Variants in KCNN2 observed in about 807,000 individuals in gnomAD.
The protein encoded by KCNN2 is small conductance calcium-activated potassium channel protein 2.
Under a neutral mutation model 55.5 loss-of-function variants are expected in KCNN2, and 24 were observed. That is an observed-to-expected ratio of 0.43 (90% CI 0.31 to 0.61). The LOEUF is 0.61. KCNN2 is among the 20% of genes least tolerant of loss of function. KCNN2 has a pLI of 0.08. For synonymous variants in KCNN2, 431 were observed against 336.1 expected (o/e 1.28, Z -3.09); for missense variants, 754 against 853.6 (o/e 0.88, Z 1.45).
chr5:114,418,804 A>T (rs1268508512), intron 3 of KCNN2, among the ~76,000 whole-genome samples: 1 of 152,188 alleles, frequency 6.6e-6, no homozygotes, highest in Non-Finnish European at 1.5e-5. Flanking sequence ...AGGAACAGCG[A>T]TCTAGAATTG....
intron 1 of KCNN2, among the ~76,000 whole-genome samples, chr5:114,127,946 T>A (rs1007432239): frequency 2.6e-5 from 4 of 152,088 alleles, no homozygotes; most frequent in Non-Finnish European, 5.9e-5. Context: ...CTTATCTCCA[T>A]CTCAGACCAC....
chr5:114,475,565 G>GGTTGTCATGCTATGTTAACTGTTAA (rs1761927367), intron 5 of KCNN2, among the ~76,000 whole-genome samples: 1 of 152,124 alleles, frequency 6.6e-6, no homozygotes, highest in African/African-American at 2.4e-5. Flanking sequence ...TACTAAATAT[G>GGTTGTCATGCTATGTTAACTGTTAA]GTTGTCATGC....
intron 2 of KCNN2, among the ~76,000 whole-genome samples, chr5:114,346,538 C>A (rs257469): frequency 0.8 from 121,215 of 152,030 alleles, 48,518 homozygotes; most frequent in East Asian, 0.97. Context: ...GAAAATAATA[C>A]AGCAAAACTG....
intron 2 of KCNN2, among the ~76,000 whole-genome samples, chr5:114,273,971 A>G (rs754847479): frequency 3.3e-5 from 5 of 151,290 alleles, no homozygotes; most frequent in Non-Finnish European, 7.4e-5. Context: ...CCAGGATTTT[A>G]GAACTTATGT....
intron 2 of KCNN2, among the ~76,000 whole-genome samples, chr5:114,257,302 G>A (rs1468337438): frequency 6.6e-6 from 1 of 151,988 alleles, no homozygotes; most frequent in Non-Finnish European, 1.5e-5. Context: ...GATACCTCCA[G>A]CTTTGTTCTT....
chr5:114,188,041 G>A (rs1226376928), intron 1 of KCNN2, among the ~76,000 whole-genome samples: 2 of 151,258 alleles, frequency 1.3e-5, no homozygotes, highest in Non-Finnish European at 2.9e-5. Context: ...TTGAACTCCC[G>A]GCCTCAGGTG....
At chr5:114,488,737 G>C (rs115696449) in intron 6 of KCNN2, among the ~76,000 whole-genome samples, 1,826 of 152,248 alleles carry the variant, frequency 0.012, 27 homozygotes, top group Middle Eastern at 0.024. Context: ...TATTAGAGTG[G>C]TCTTCCCCTG....
intron 2 of KCNN2, among the ~76,000 whole-genome samples, chr5:114,265,390 TTGACTCA>T (rs1755190286): frequency 6.6e-6 from 1 of 151,542 alleles, no homozygotes; most frequent in African/African-American, 2.4e-5. Context: ...TTATGAGAAA[TTGACTCA>T]TGTGATTATG....
intron 1 of KCNN2, among the ~76,000 whole-genome samples, chr5:114,197,411 T>C (rs1284935596): frequency 3.3e-5 from 5 of 152,196 alleles, no homozygotes; most frequent in Non-Finnish European, 7.3e-5. Context: ...TTCCCATTTT[T>C]GCAAGTGGAG....
chr5:114,445,357 T>A (rs1382019828), intron 3 of KCNN2, among the ~76,000 whole-genome samples: 2 of 152,252 alleles, frequency 1.3e-5, no homozygotes, highest in Non-Finnish European at 2.9e-5. Flanking sequence ...TTTTCAATTG[T>A]AGATGTCAAC....
chr5:114,146,630 C>T lies in KCNN2; in HGVS notation c.-270-74850C>T, dbSNP rs529621903. Among the ~76,000 whole-genome samples the T allele has an allele frequency of 9.2e-5, 14 of 152,176 alleles. 1 individual carries two copies. The South Asian group carries it at 2.9e-3, about 32-fold the overall frequency. On this transcript the variant is annotated intron_variant, in intron 1 of 10. Coordinates refer to the KCNN2 transcript ENST00000512097. ...TGAGTAATATCAATTTGCCAAAGAGCATTAGGAGAAGGCCTCAGGGATTAA... is the reference window on the plus strand; with the variant it reads ...TGAGTAATATCAATTTGCCAAAGAGTATTAGGAGAAGGCCTCAGGGATTAA...
chr5:114,484,187 C>T (rs1300448535), intron 5 of KCNN2, among the ~76,000 whole-genome samples: 2 of 151,968 alleles, frequency 1.3e-5, no homozygotes, highest in African/African-American at 4.8e-5. Flanking sequence ...TAGAGAGACA[C>T]AAAGATTAGT....
intron 2 of KCNN2, among the ~76,000 whole-genome samples, chr5:114,401,900 A>C (rs1351335560): frequency 1.3e-5 from 2 of 152,310 alleles, no homozygotes; most frequent in South Asian, 4.1e-4. Flanking sequence ...ATTAGATTTT[A>C]CCCATCAGGC....
chr5:114,372,263 G>A (rs1236636791), intron 2 of KCNN2, among the ~76,000 whole-genome samples: 3 of 152,162 alleles, frequency 2.0e-5, no homozygotes, highest in Non-Finnish European at 4.4e-5. Context: ...TGTGCTAGCT[G>A]TGAGTTTGAA....
At chr5:114,192,355 G>T (rs12110041) in intron 1 of KCNN2, among the ~76,000 whole-genome samples, 4,541 of 152,180 alleles carry the variant, frequency 0.03, 234 homozygotes, top group African/African-American at 0.1. Flanking sequence ...TTTGCTAGTA[G>T]AACTCTGAGT....
rs1254636002 is a variant in KCNN2, at chr5:114,241,755, TATATATAC to T, written c.-185+20191_-185+20198del. 4.0e-3 allele frequency among the ~76,000 whole-genome samples: 89 copies of T among 22,498 alleles called. 23 individuals are homozygous for T. The highest frequency in any genetic ancestry group is 4.9e-3 in the Non-Finnish European group (63 of 12,962). The allele number at this position is 22,498 out of a possible 152,430, so 14.8% of individuals were successfully genotyped here. A position where few individuals can be genotyped will look rare whatever the true frequency, so the allele number is the denominator to read the frequency against. ...ATACATATATACGTATATATATGTATATATATACGTATATATATACATATATACGTATA... is the reference window on the plus strand; with the variant it reads ...ATACATATATACGTATATATATGTATGTATATATATACATATATACGTATA... On this transcript the variant is annotated intron_variant, in intron 2 of 10. Coordinates refer to the KCNN2 transcript ENST00000512097.
At chr5:114,353,173 A>G (rs914696973) in intron 2 of KCNN2, among the ~76,000 whole-genome samples, 1 of 151,438 alleles carries the variant, frequency 6.6e-6, no homozygotes, top group Non-Finnish European at 1.5e-5. Flanking sequence ...TTTTTTCTTA[A>G]AGTCCATTTT....
intron 2 of KCNN2, among the ~76,000 whole-genome samples, chr5:114,249,621 C>A (rs952946637): frequency 6.6e-6 from 1 of 150,762 alleles, no homozygotes; most frequent in African/African-American, 2.4e-5. Context: ...TTTTCTCTGA[C>A]AATATTATGA....
chr5:114,471,849 T>G (rs1197639655), intron 4 of KCNN2, among the ~76,000 whole-genome samples: 1 of 152,184 alleles, frequency 6.6e-6, no homozygotes, highest in African/African-American at 2.4e-5. Flanking sequence ...TGTATTTATT[T>G]TCTCCTTTTC....
Sources: gnomAD v4.1 joint callset for allele counts (sites outside exome capture counted in the v4.1 genomes callset) on GRCh38, gnomAD v4.1.1 for gene constraint, MANE v1.5 for transcripts, NCBI Gene and HGNC (gene_info 2026-07-23, HGNC 2026-07-21) for gene names.